Variants in NFIA observed in about 807,000 individuals in gnomAD.
The protein encoded by NFIA is nuclear factor 1 A-type.
Under a neutral mutation model 62.8 loss-of-function variants are expected in NFIA, and 8 were observed. The observed-to-expected ratio is 0.13, with a 90% CI of 0.07 to 0.23. The LOEUF (loss-of-function observed/expected upper bound fraction) is 0.23, where lower values mean the gene tolerates loss of function less well. NFIA is among the 10% of genes least tolerant of loss of function. NFIA has a pLI of 1.00. For missense variants in NFIA, 410 were observed against 642.1 expected (o/e 0.64, Z 3.91); for synonymous variants, 235 against 238.1 (o/e 0.99, Z 0.12).
chr1:61,270,218 G>A (rs1474845695), intron 2 of NFIA, among the ~76,000 whole-genome samples: 2 of 152,086 alleles, frequency 1.3e-5, no homozygotes, highest in Non-Finnish European at 2.9e-5. Flanking sequence ...TCAAAACCAG[G>A]TTTTCTTGCT....
rs1286669053 is a variant in NFIA at position 61,462,060 on chromosome 1, GT to G, written c.*6749del. ...TTTTTTTTGGCTTTTTTTTTTGTTT[GT>G]TTTTTTTTCTTTTGACATTGCAACC... is the stretch of plus-strand genomic sequence containing the variant. On this transcript the variant is annotated 3_prime_UTR_variant, in exon 11 of 11. Coordinates refer to ENST00000403491, the MANE Select transcript of NFIA (RefSeq NM_001134673.4). The G allele has an allele frequency of 1.8e-4, 5 of 27,304 alleles. No individual in the cohort carries two copies. The highest frequency in any genetic ancestry group is 3.7e-4 in the Non-Finnish European group (5 of 13,406). The allele number at this position is 27,304 out of a possible 1,614,324, so 1.7% of individuals were successfully genotyped here. A position where few individuals can be genotyped will look rare whatever the true frequency, so the allele number is the denominator to read the frequency against.
intron 8 of NFIA, 137 bp downstream of exon 8, chr1:61,404,419 T>A: frequency 1.1e-6 from 1 of 940,106 alleles, no homozygotes; most frequent in Non-Finnish European, 1.6e-6. Context: ...ATATTTATTC[T>A]AGATTGTGGG....
At chr1:61,350,512 T>C (rs1464788333) in intron 4 of NFIA, among the ~76,000 whole-genome samples, 2 of 152,194 alleles carry the variant, frequency 1.3e-5, no homozygotes, top group African/African-American at 4.8e-5. Context: ...GTAGCATACC[T>C]GTGGTCCCAG....
intron 2 of NFIA, among the ~76,000 whole-genome samples, chr1:61,164,241 T>C (rs777139854): frequency 3.9e-5 from 6 of 152,150 alleles, no homozygotes; most frequent in Non-Finnish European, 7.4e-5. Context: ...GTGCTTGTCA[T>C]TTATGGTTGC....
At chr1:61,083,696 C>G (rs1646162979) in intron 1 of NFIA, among the ~76,000 whole-genome samples, 1 of 151,470 alleles carries the variant, frequency 6.6e-6, no homozygotes, top group African/African-American at 2.4e-5. Context: ...CGGGTAGCGC[C>G]GGGCAGAGTT....
At chr1:61,156,756 T>C (rs923890627) in intron 2 of NFIA, among the ~76,000 whole-genome samples, 29 of 152,222 alleles carry the variant, frequency 1.9e-4, no homozygotes, top group African/African-American at 7.0e-4. Flanking sequence ...AAACTTCCTT[T>C]TGGAAGATAA....
chr1:61,095,167 T>C (rs1646388807), intron 2 of NFIA, among the ~76,000 whole-genome samples: 1 of 152,192 alleles, frequency 6.6e-6, no homozygotes, highest in Non-Finnish European at 1.5e-5. Flanking sequence ...AATACTTCCC[T>C]AGTGGTAGAT....
chr1:61,102,251 G>A (rs1223806122), intron 2 of NFIA, among the ~76,000 whole-genome samples: 1 of 152,204 alleles, frequency 6.6e-6, no homozygotes, highest in Non-Finnish European at 1.5e-5. Context: ...CTAACAGTCA[G>A]TAAGAGACAT....
At chr1:61,171,995 G>T (rs1425127612) in intron 2 of NFIA, among the ~76,000 whole-genome samples, 1 of 152,190 alleles carries the variant, frequency 6.6e-6, no homozygotes, top group Non-Finnish European at 1.5e-5. Context: ...TGCTAAGGAA[G>T]AATCCATAGA....
chr1:61,204,166 C>G (rs978153364), intron 2 of NFIA, among the ~76,000 whole-genome samples: 9 of 152,196 alleles, frequency 5.9e-5, no homozygotes, highest in African/African-American at 1.9e-4. Flanking sequence ...CCCCTGCTTT[C>G]CTCTGGCCCT....
chr1:61,336,042 CT>C (rs1439962555), intron 4 of NFIA, among the ~76,000 whole-genome samples: 1 of 152,028 alleles, frequency 6.6e-6, no homozygotes, highest in Non-Finnish European at 1.5e-5. Flanking sequence ...GTTACTGTCC[CT>C]TTTTATAGAT....
At chr1:61,404,360 A>C in intron 8 of NFIA, 78 bp downstream of exon 8, 2 of 1,382,174 alleles carry the variant, frequency 1.4e-6, no homozygotes, top group East Asian at 2.5e-5. Context: ...CCTTATGATC[A>C]TGTGACGTTG....
intron 2 of NFIA, among the ~76,000 whole-genome samples, chr1:61,133,754 G>GCCC (rs1647124684): frequency 6.6e-6 from 1 of 152,206 alleles, no homozygotes. Flanking sequence ...GATGACTTGA[G>GCCC]CCCAGGAGTT....
intron 3 of NFIA, among the ~76,000 whole-genome samples, chr1:61,300,562 C>G (rs934909933): frequency 1.3e-5 from 2 of 152,044 alleles, no homozygotes; most frequent in Non-Finnish European, 1.5e-5. Context: ...TAATCCATTA[C>G]AACCAATATT....
At chr1:61,191,467 T>G (rs190945464) in intron 2 of NFIA, among the ~76,000 whole-genome samples, 2 of 152,016 alleles carry the variant, frequency 1.3e-5, no homozygotes, top group Non-Finnish European at 2.9e-5. Flanking sequence ...TTTTTTTGCC[T>G]CCTCCCTTTC....
chr1:61,223,576 T>G (rs1296915078), intron 2 of NFIA, among the ~76,000 whole-genome samples: 1 of 152,094 alleles, frequency 6.6e-6, no homozygotes, highest in Non-Finnish European at 1.5e-5. Flanking sequence ...ACATTTCAAA[T>G]TATATTTTAA....
intron 2 of NFIA, among the ~76,000 whole-genome samples, chr1:61,135,240 AGCTACTTT>A (rs1647160842): frequency 1.3e-5 from 2 of 152,232 alleles, no homozygotes; most frequent in South Asian, 4.1e-4. Flanking sequence ...CATTTAATAC[AGCTACTTT>A]GATTTGGCTT....
intron 2 of NFIA, among the ~76,000 whole-genome samples, chr1:61,183,377 G>A (rs931028730): frequency 6.6e-6 from 1 of 152,158 alleles, no homozygotes; most frequent in Non-Finnish European, 1.5e-5. Flanking sequence ...TTGCAGTAGT[G>A]GTGGCAGGGT....
intron 2 of NFIA, among the ~76,000 whole-genome samples, chr1:61,264,514 G>A (rs1253261524): frequency 6.6e-6 from 1 of 151,876 alleles, no homozygotes; most frequent in Non-Finnish European, 1.5e-5. Context: ...AGCTGGGCAT[G>A]GAGGTGGGCG....
Sources: gnomAD v4.1 joint callset for allele counts (sites outside exome capture counted in the v4.1 genomes callset) on GRCh38, gnomAD v4.1.1 for gene constraint, MANE v1.5 for transcripts, NCBI Gene and HGNC (gene_info 2026-07-23, HGNC 2026-07-21) for gene names.